The following MTMR9 variants were observed in gnomAD, a reference collection of about 807,000 sequenced individuals.
The protein encoded by MTMR9 is myotubularin-related protein 9.
In MTMR9, 39 loss-of-function variants were observed where a neutral mutation model predicts 69.5. The observed-to-expected ratio is 0.56, with a 90% CI of 0.43 to 0.73. The LOEUF (loss-of-function observed/expected upper bound fraction) is 0.73. Ranked by LOEUF, MTMR9 falls within the 30% of genes least tolerant of loss-of-function variation. The pLI is 0.00. For missense variants in MTMR9, 900 were observed against 671.2 expected (o/e 1.34, Z -3.77); for synonymous variants, 354 against 240.8 (o/e 1.47, Z -4.35).
chr8:11,303,908 G>A (rs6651498), intron 3 of MTMR9, among the ~76,000 whole-genome samples: 9,088 of 152,160 alleles, frequency 0.06, 967 homozygotes, highest in African/African-American at 0.21. Flanking sequence ...ATGTGATACT[G>A]TATCTTATAA....
intron 2 of MTMR9, chr8:11,298,660 G>A (rs1475520761): frequency 2.9e-6 from 2 of 692,422 alleles, no homozygotes; most frequent in African/African-American, 2.0e-5. Flanking sequence ...CCAGGTGAAT[G>A]TCTCCATCAT....
chr8:11,328,373 T>TGTGTGTGTGTG (rs58161499), downstream of MTMR9, among the ~76,000 whole-genome samples: 5 of 128,978 alleles, frequency 3.9e-5, no homozygotes, highest in East Asian at 4.1e-4. Context: ...GTGTGTGTGT[T>TGTGTGTGTGTG]TGTTACACTG....
downstream of MTMR9, chr8:11,331,146 A>G: frequency 6.2e-7 from 1 of 1,610,678 alleles, no homozygotes; most frequent in Non-Finnish European, 8.5e-7. Context: ...GCCTGACTCC[A>G]CACACCCATC....
At chr8:11,336,088 A>G in the MTMR9 span, among the ~76,000 whole-genome samples, 1 of 152,242 alleles carries the variant, frequency 6.6e-6, no homozygotes, top group Admixed American at 6.5e-5. Context: ...CTCCTTCATG[A>G]TAAAAGAGGT....
At position 11,327,567 on chromosome 8, in the gene MTMR9, C is replaced by G. The variant is rs1800993373; in HGVS notation, c.*4779C>G. The G allele has an allele frequency of 6.6e-6, 1 of 152,598 alleles. No individual in the cohort carries two copies. The highest frequency in any genetic ancestry group is 2.4e-5 in the African/African-American group (1 of 41,420). 9.5% of individuals were successfully genotyped at this position (152,598 alleles called of 1,614,324 possible). On this transcript the variant is annotated 3_prime_UTR_variant, in exon 10 of 10. Coordinates refer to ENST00000221086, the MANE Select transcript of MTMR9 (RefSeq NM_015458.4). ...TAAAACCTTACTGATCTAATACCAT[C>G]TACACAAAAAAATGTTGTAGTTGCA...
chr8:11,329,055 G>A (rs1181518315), downstream of MTMR9, among the ~76,000 whole-genome samples: 2 of 152,088 alleles, frequency 1.3e-5, no homozygotes, highest in Admixed American at 6.5e-5. Context: ...CCATTGTGTG[G>A]TCTTGGTATC....
At chr8:11,302,702 C>T (rs1453894721) in intron 3 of MTMR9, among the ~76,000 whole-genome samples, 2 of 151,906 alleles carry the variant, frequency 1.3e-5, no homozygotes, top group Non-Finnish European at 2.9e-5. Flanking sequence ...TTCTAGTCAG[C>T]TCAATAAGAC....
chr8:11,284,951 C>T lies in MTMR9; in HGVS notation c.63C>T (p.Phe21=), dbSNP rs1341905147. Residue 21 remains phenylalanine, a synonymous_variant, in exon 1 of 10, where the codon TTC becomes TTT. Transcript: ENST00000221086. The part of the protein sequence containing the change: ...RVDNVVLHRP[F]YPAVEGTLCL... ...ACAATGTGGTGCTGCACCGGCCTTT[C>T]TACCCGGCTGTCGAGGGCACCCTGT... The T allele has an allele frequency of 6.2e-7, 1 of 1,613,954 alleles. No individual in the cohort carries two copies. Among genetic ancestry groups the T allele is most frequent in the Non-Finnish European group, 8.5e-7 (1 of 1,179,948 alleles).
At chr8:11,320,016 C>CTT (rs113060213) in intron 9 of MTMR9, 178 bp downstream of exon 9, 223 of 412,272 alleles carry the variant, frequency 5.4e-4, no homozygotes, top group South Asian at 1.0e-3. Flanking sequence ...TCTAGCCACA[C>CTT]TTTTTTTTTT....
At chr8:11,335,142 C>A in the MTMR9 span, among the ~76,000 whole-genome samples, 1 of 152,122 alleles carries the variant, frequency 6.6e-6, no homozygotes, top group Non-Finnish European at 1.5e-5. Flanking sequence ...TCTTTGTTCA[C>A]AGATGATATG....
At chr8:11,314,820 C>T in intron 6 of MTMR9, 103 bp from the exon 7 acceptor site, 1 of 1,098,706 alleles carries the variant, frequency 9.1e-7, no homozygotes, top group Non-Finnish European at 1.4e-6. Context: ...AAACTGAACT[C>T]AGTAGACTAA....
rs1800905443 is a variant in MTMR9, at chr8:11,325,766, T to G, written c.*2978T>G. ...CAATAAATATTTATTTGGTCAAAAT[T>G]TTTTATTTTGATTTTATTAAATGGG... On this transcript the variant is annotated 3_prime_UTR_variant, in exon 10 of 10. Coordinates refer to ENST00000221086, the MANE Select transcript of MTMR9 (RefSeq NM_015458.4). 1 of 152,086 alleles carries G rather than the reference T, an allele frequency of 6.6e-6. No homozygotes were observed. The highest frequency in any genetic ancestry group is 6.6e-5 in the Admixed American group (1 of 15,266). The allele number at this position is 152,086 out of a possible 1,614,324, so 9.4% of individuals were successfully genotyped here.
At chr8:11,320,805 A>G (rs1365352453) in intron 9 of MTMR9, 2 of 152,436 alleles carry the variant, frequency 1.3e-5, no homozygotes, top group East Asian at 1.9e-4. Context: ...CAAAGCCTCT[A>G]AAATACCATT....
At chr8:11,333,503 A>G in the MTMR9 span, among the ~76,000 whole-genome samples, 1 of 152,228 alleles carries the variant, frequency 6.6e-6, no homozygotes. Flanking sequence ...AAGAAATGCT[A>G]AAGGGGGTCC....
chr8:11,329,933 C>T (rs529069879), downstream of MTMR9, among the ~76,000 whole-genome samples: 169 of 152,146 alleles, frequency 1.1e-3, no homozygotes, highest in African/African-American at 3.9e-3. Flanking sequence ...GCTGCGACCC[C>T]GTCTGGGAGG....
chr8:11,322,441 T>C (rs149097659), intron 9 of MTMR9, among the ~76,000 whole-genome samples, 184 bp from the exon 10 acceptor site: 106 of 152,350 alleles, frequency 7.0e-4, no homozygotes, highest in Admixed American at 1.7e-3. Flanking sequence ...TTGTATTCAA[T>C]TGCATCCTTT....
downstream of MTMR9, among the ~76,000 whole-genome samples, chr8:11,332,596 T>TA: frequency 7.4e-6 from 1 of 135,886 alleles, no homozygotes; most frequent in East Asian, 2.8e-4. Context: ...TTGTTTGTTT[T>TA]TTGTTTTTTG....
At chr8:11,331,644 C>A (rs557243487), downstream of MTMR9, 9 of 1,612,098 alleles carry the variant, frequency 5.6e-6, no homozygotes, top group Non-Finnish European at 7.6e-6. Flanking sequence ...ACTCTGGACA[C>A]TACAGGAGGG....
chr8:11,316,504 G>A (rs186543390), intron 7 of MTMR9, 169 bp from the exon 8 acceptor site: 17 of 446,524 alleles, frequency 3.8e-5, no homozygotes, highest in Admixed American at 3.6e-4. Flanking sequence ...AGTTGCTGCC[G>A]CTATTTATTT....
Sources: allele counts gnomAD v4.1 joint callset (sites outside exome capture counted in the v4.1 genomes callset), GRCh38; gene constraint gnomAD v4.1.1; transcripts MANE v1.5; gene names NCBI Gene and HGNC (gene_info 2026-07-23, HGNC 2026-07-21).